Variants in NINL observed in about 807,000 individuals in gnomAD.
The protein encoded by NINL is ninein like, also known as ninein-like protein.
Under a neutral mutation model 160.3 loss-of-function variants are expected in NINL, and 153 were observed. The observed-to-expected ratio is 0.95, with a 90% confidence interval of 0.84 to 1.09. The LOEUF (loss-of-function observed/expected upper bound fraction) is 1.09, where lower values mean the gene tolerates loss of function less well. Among genes scored for constraint, NINL ranks in the 50% least tolerant of loss-of-function variants. NINL has a pLI of 0.00. For synonymous variants in NINL, 800 were observed against 734.8 expected (o/e 1.09, Z -1.43); for missense variants, 1,829 against 1,764.0 (o/e 1.04, Z -0.66).
At chr20:25,554,636 C>CAAAACAAAACAAAAAAAAAAA (rs1195606239) in intron 1 of NINL, among the ~76,000 whole-genome samples, 1 of 85,800 alleles carries the variant, frequency 1.2e-5, no homozygotes, top group Non-Finnish European at 2.1e-5. Context: ...AAAAAAAAAA[C>CAAAACAAAACAAAAAAAAAAA]AAAAAAAAAA....
At chr20:25,499,355 C>A in intron 8 of NINL, 1 of 509,910 alleles carries the variant, frequency 2.0e-6, no homozygotes, top group Non-Finnish European at 2.5e-6. Flanking sequence ...TATCATGAAG[C>A]GAGGGAGAAG....
At chr20:25,536,379 G>C (rs1022051750) in intron 1 of NINL, among the ~76,000 whole-genome samples, 4 of 152,192 alleles carry the variant, frequency 2.6e-5, no homozygotes, top group Admixed American at 6.5e-5. Context: ...TGACAAGGCT[G>C]ATGGAGCATT....
chr20:25,459,384 G>GTGATGTAAAGGT (rs2090778081), intron 21 of NINL, among the ~76,000 whole-genome samples: 1 of 152,194 alleles, frequency 6.6e-6, no homozygotes, highest in Non-Finnish European at 1.5e-5. Flanking sequence ...TCACTGTAAA[G>GTGATGTAAAGGT]CTCACCCTTC....
chr20:25,476,455 T>C lies in NINL; in HGVS notation c.2836A>G (p.Thr946Ala), dbSNP rs773352101. 6.2e-7 allele frequency: 1 copy of C among 1,608,148 alleles called. No individual in the cohort carries two copies. The highest frequency in any genetic ancestry group is 1.1e-5 in the South Asian group (1 of 91,064). Residue 946 changes from threonine to alanine, a missense_variant, in exon 17 of 24, where the codon ACA becomes GCA. Physicochemically the swap from Thr to Ala is moderately conservative, Grantham distance 58 (BLOSUM62 0). Coordinates refer to ENST00000278886, the MANE Select transcript of NINL (RefSeq NM_025176.6). ...PGARELPLLGTERDASQTQPR... is the reference protein window; with the variant it reads ...PGARELPLLGAERDASQTQPR... ...TGGGTTTGCGAGGCGTCTCTCTCTG[T>C]TCCCAGCAGAGGCAGCTCCCGGGCT...
intron 1 of NINL, among the ~76,000 whole-genome samples, chr20:25,532,727 G>A (rs1352582596): frequency 6.6e-6 from 1 of 152,230 alleles, no homozygotes; most frequent in Admixed American, 6.5e-5. Flanking sequence ...CTACAAGCCA[G>A]TCAAAGACCT....
At position 25,491,425 on chromosome 20, in the gene NINL, C is replaced by A. The variant is rs567610080; in HGVS notation, c.1411G>T (p.Ala471Ser). 3.1e-5 allele frequency: 50 copies of A among 1,613,550 alleles called. No individual in the cohort carries two copies. The highest frequency in any genetic ancestry group is 3.9e-5 in the Non-Finnish European group (46 of 1,180,026). ...AGGCGCCCCACGTCCCACTCCAGCG[C>A]GGCCCTCTGCCTGTGGGCCTGCTCC... The part of the protein sequence containing the change: ...FWEQAHRQRA[A>S]LEWDVGRLQA... The change falls in exon 11 of 24, where the codon GCG becomes TCG. Residue 471 changes from alanine (A) to serine (S), a missense_variant. Coordinates refer to ENST00000278886, the MANE Select transcript of NINL (RefSeq NM_025176.6).
Position 25,476,499 on chromosome 20 carries a change from G to A in NINL, c.2792C>T (p.Ala931Val), listed in dbSNP as rs1014553152. 6.9e-6 allele frequency: 11 copies of A among 1,603,700 alleles called. No homozygotes were observed. The highest frequency in any genetic ancestry group is 7.6e-6 in the Non-Finnish European group (9 of 1,179,842). Residue 931 changes from alanine (A) to valine (V), a missense_variant, in exon 17 of 24, where the codon GCG becomes GTG. By Grantham distance (64) the Ala-to-Val change is moderately conservative. Transcript: ENST00000278886. ...KEPEPFGASA[A>V]GLEQPGAREL... ...CCGGGCTCCAGGCTGCTCCAGCCCC[G>A]CTGCGCTCGCGCCGAAAGGCTCTGG... is the stretch of plus-strand genomic sequence containing the variant.
At chr20:25,517,296 G>A (rs1391711088) in intron 3 of NINL, among the ~76,000 whole-genome samples, 1 of 152,062 alleles carries the variant, frequency 6.6e-6, no homozygotes, top group East Asian at 1.9e-4. Flanking sequence ...TCCTGACACG[G>A]GGCCATCTGC....
chr20:25,463,238 T>C (rs922815909), intron 19 of NINL, among the ~76,000 whole-genome samples: 6 of 152,086 alleles, frequency 3.9e-5, no homozygotes, highest in Admixed American at 6.6e-5. Context: ...GCCATGACCG[T>C]CCAAACCACT....
At chr20:25,498,525 T>C (rs2030396340) in intron 8 of NINL, among the ~76,000 whole-genome samples, 179 bp from the exon 9 acceptor site, 2 of 152,196 alleles carry the variant, frequency 1.3e-5, no homozygotes, top group African/African-American at 4.8e-5. Flanking sequence ...CCCACGCAAC[T>C]CTGGTGGGCT....
intron 5 of NINL, 87 bp downstream of exon 5, chr20:25,510,587 G>A (rs2064049392): frequency 8.6e-7 from 1 of 1,168,458 alleles, no homozygotes; most frequent in Non-Finnish European, 1.3e-6. Context: ...TAAACTTGTG[G>A]TTGCACACTG....
intron 1 of NINL, among the ~76,000 whole-genome samples, chr20:25,563,479 A>G (rs73337355): frequency 0.051 from 7,797 of 152,332 alleles, 214 homozygotes; most frequent in Middle Eastern, 0.11. Flanking sequence ...AAGAAATCCC[A>G]GAAAGAGAAA....
chr20:25,476,354 C>A lies in NINL; in HGVS notation c.2937G>T (p.Gln979His), dbSNP rs754977726. 6.2e-7 allele frequency: 1 copy of A among 1,612,212 alleles called. No homozygotes were observed. The highest frequency in any genetic ancestry group is 8.5e-7 in the Non-Finnish European group (1 of 1,179,920). The change falls in exon 17 of 24, where the codon CAG becomes CAT. Residue 979 changes from glutamine to histidine, a missense_variant. Gln to His is a conservative substitution (Grantham distance 24). Coordinates refer to ENST00000278886, the MANE Select transcript of NINL (RefSeq NM_025176.6). Reference sequence around the variant, plus strand: ...TGCTCCAGCTTCGTGCTCGCTCTTCCTGAATGGCCTGTAGCCTCTCAGCCT... The same window carrying A: ...TGCTCCAGCTTCGTGCTCGCTCTTCATGAATGGCCTGTAGCCTCTCAGCCT... ...RGQAERLQAI[Q>H]EERARSWSRG...
At chr20:25,571,735 C>T (rs2065056233) in intron 1 of NINL, among the ~76,000 whole-genome samples, 1 of 151,926 alleles carries the variant, frequency 6.6e-6, no homozygotes, top group African/African-American at 2.4e-5. Context: ...GGCATAGTGG[C>T]ACACGCCTGT....
Position 25,472,601 on chromosome 20 carries a change from C to A in NINL, c.3249-2506G>T, listed in dbSNP as rs192218505. On this transcript the variant is annotated intron_variant, in intron 17 of 23. Coordinates refer to ENST00000278886, the MANE Select transcript of NINL (RefSeq NM_025176.6). ...CTGGAGTGCAGTGGTGCAATCTCAGCTCACTGCAGCCTCAACCTCCCAGGC... is the reference window on the plus strand; with the variant it reads ...CTGGAGTGCAGTGGTGCAATCTCAGATCACTGCAGCCTCAACCTCCCAGGC... Among the ~76,000 whole-genome samples the A allele has an allele frequency of 2.0e-5, 3 of 150,528 alleles. No individual in the cohort carries two copies. In the East Asian group the frequency reaches 5.9e-4, roughly 29 times the overall value.
intron 2 of NINL, among the ~76,000 whole-genome samples, chr20:25,519,709 AC>A (rs1447309818): frequency 6.6e-6 from 1 of 152,170 alleles, no homozygotes; most frequent in Non-Finnish European, 1.5e-5. Flanking sequence ...TCAGAGACAT[AC>A]TATGGAGTAA....
At chr20:25,483,123 A>G (rs1353489931) in intron 13 of NINL, among the ~76,000 whole-genome samples, 6 of 150,346 alleles carry the variant, frequency 4.0e-5, no homozygotes, top group Non-Finnish European at 8.8e-5. Context: ...TCACGAGGTC[A>G]AGAGATCGAG....
intron 1 of NINL, among the ~76,000 whole-genome samples, chr20:25,561,234 T>A (rs2064933259): frequency 1.3e-5 from 2 of 152,154 alleles, no homozygotes; most frequent in Admixed American, 1.3e-4. Flanking sequence ...AGAGGGGGTT[T>A]CGCTGTGTTG....
At chr20:25,489,069 T>G (rs1476278896) in intron 13 of NINL, 175 bp downstream of exon 13, 3 of 640,784 alleles carry the variant, frequency 4.7e-6, no homozygotes, top group Non-Finnish European at 5.6e-6. Flanking sequence ...TCAGGATAGG[T>G]GGCAACGAGA....
Sources: gnomAD v4.1 joint callset for allele counts (sites outside exome capture counted in the v4.1 genomes callset) on GRCh38, gnomAD v4.1.1 for gene constraint, MANE v1.5 for transcripts, NCBI Gene and HGNC (gene_info 2026-07-23, HGNC 2026-07-21) for gene names.